PCNT: variants seen among roughly 807,000 people sequenced by gnomAD.
The protein encoded by PCNT is pericentrin.
Under a neutral mutation model 380.4 loss-of-function variants are expected in PCNT, and 319 were observed. That is an observed-to-expected ratio of 0.84 (90% CI 0.77 to 0.92). The LOEUF is 0.92. Among genes scored for constraint, PCNT ranks in the 40% least tolerant of loss-of-function variants. The pLI is 0.00. For missense variants in PCNT, 4,400 were observed against 4,255.3 expected, an observed-to-expected ratio of 1.03 and a Z score of -0.95; for synonymous variants, 1,845 against 1,735.2, an observed-to-expected ratio of 1.06 and a Z score of -1.57.
At position 46,390,682 on chromosome 21, in the gene PCNT, C is replaced by T. The variant is rs150564059; in HGVS notation, c.3853C>T (p.Arg1285Cys). The change falls in exon 20 of 47, where the codon CGC (arginine) becomes TGC (cysteine). Residue 1285 changes from arginine to cysteine, a missense_variant. Coordinates refer to ENST00000359568, the MANE Select transcript of PCNT (RefSeq NM_006031.6). ...TGTGTTTTAACAGCTGGAAGAAGCA[C>T]GCCAAATTCATTCTCGTTTTGAAAA... ...LDSSRQLEEA[R>C]QIHSRFEKEF... is the part of the protein sequence containing the mutation. The T allele has an allele frequency of 3.0e-4, 482 of 1,614,078 alleles. No homozygotes were observed. Among genetic ancestry groups the T allele is most frequent in the Non-Finnish European group, 3.6e-4 (429 of 1,179,988 alleles).
Position 46,445,612 on chromosome 21 carries a change from CA to C in PCNT, c.*286del. On this transcript the variant is annotated 3_prime_UTR_variant, in exon 47 of 47. Coordinates refer to ENST00000359568, the MANE Select transcript of PCNT (RefSeq NM_006031.6). ...CTGTGTGCTGTTGTGTGCCTATCGG[CA>C]GATCCATCCTTCCTGCCTCCAAGGA... is the stretch of plus-strand genomic sequence containing the variant. The C allele has an allele frequency of 2.2e-6, 1 of 457,810 alleles. No individual in the cohort carries two copies. The highest frequency in any genetic ancestry group is 3.9e-6 in the Non-Finnish European group (1 of 257,030). 28.4% of individuals were successfully genotyped at this position (457,810 alleles called of 1,614,324 possible). A position where few individuals can be genotyped will look rare whatever the true frequency, so the allele number is the denominator to read the frequency against.
At position 46,324,215 on chromosome 21, in the gene PCNT, G is replaced by T; in HGVS notation, c.-14G>T. 6.2e-7 allele frequency: 1 copy of T among 1,609,126 alleles called. No homozygotes were observed. Among genetic ancestry groups the T allele is most frequent in the Non-Finnish European group, 8.5e-7 (1 of 1,177,674 alleles). Reference sequence around the variant, plus strand: ...CCCGTCACCGCCGGGCGGCCCGCGCGGAGTCTGAGGGAGATGGAAGTTGAG... The same window carrying T: ...CCCGTCACCGCCGGGCGGCCCGCGCTGAGTCTGAGGGAGATGGAAGTTGAG... On this transcript the variant is annotated 5_prime_UTR_variant, in exon 1 of 47. Coordinates refer to ENST00000359568, the MANE Select transcript of PCNT (RefSeq NM_006031.6).
intron 31 of PCNT, among the ~76,000 whole-genome samples, chr21:46,418,725 A>C (rs1602039898): frequency 6.6e-6 from 1 of 152,074 alleles, no homozygotes; most frequent in Non-Finnish European, 1.5e-5. Flanking sequence ...TTGCCTGCCC[A>C]CCCTGCCTTT....
At chr21:46,444,613 TCA>T in intron 45 of PCNT, 79 bp from the exon 46 acceptor site, 1 of 1,512,886 alleles carries the variant, frequency 6.6e-7, no homozygotes, top group Non-Finnish European at 9.0e-7. Context: ...TCTTCTGCAC[TCA>T]GTCACCATGG....
At position 46,385,157 on chromosome 21, in the gene PCNT, C is replaced by G. The variant is rs946166739; in HGVS notation, c.3313-675C>G. Among the ~76,000 whole-genome samples, 3 of 152,272 alleles carry G rather than the reference C, an allele frequency of 2.0e-5. No individual in the cohort carries two copies. The East Asian group carries it at 5.8e-4, about 29-fold the overall frequency. ...ACCACTCCAGCCCAGGAATTCGATA[C>G]CAGCCTGGGCAACATAGGGAGACCC... is the stretch of plus-strand genomic sequence containing the variant. On this transcript the variant is annotated intron_variant, in intron 16 of 46. Coordinates refer to ENST00000359568, the MANE Select transcript of PCNT (RefSeq NM_006031.6).
At chr21:46,400,946 G>T (rs1359377620) in intron 25 of PCNT, among the ~76,000 whole-genome samples, 9 of 152,210 alleles carry the variant, frequency 5.9e-5, no homozygotes, top group South Asian at 2.1e-4. Context: ...TTGGAGCGGA[G>T]TTGTCCCCCT....
In PCNT at chr21:46,411,688, A is replaced by G; in HGVS notation, c.5615A>G (p.Glu1872Gly). ...AAAGCAAAGGAAGCGACGATTGCCGAGAGAAATTTAGAAATCGACGCTCTG... is the reference window on the plus strand; with the variant it reads ...AAAGCAAAGGAAGCGACGATTGCCGGGAGAAATTTAGAAATCGACGCTCTG... ...ALKAKEATIAERNLEIDALNQ... is the reference protein window; with the variant it reads ...ALKAKEATIAGRNLEIDALNQ... The change falls in exon 28 of 47, where the codon GAG becomes GGG. Residue 1872 changes from glutamate to glycine, a missense_variant. Coordinates refer to ENST00000359568, the MANE Select transcript of PCNT (RefSeq NM_006031.6). The G allele has an allele frequency of 6.2e-7, 1 of 1,612,894 alleles. No homozygotes were observed. Among genetic ancestry groups the G allele is most frequent in the South Asian group, 1.1e-5 (1 of 91,088 alleles).
intron 3 of PCNT, among the ~76,000 whole-genome samples, 158 bp from the exon 4 acceptor site, chr21:46,345,970 G>A (rs537662318): frequency 3.9e-5 from 6 of 152,336 alleles, no homozygotes; most frequent in African/African-American, 1.4e-4. Flanking sequence ...CCCTCAGGAG[G>A]CATTTGGGTT....
At chr21:46,400,403 G>A (rs919671988) in intron 25 of PCNT, among the ~76,000 whole-genome samples, 1 of 152,028 alleles carries the variant, frequency 6.6e-6, no homozygotes, top group African/African-American at 2.4e-5. Context: ...ACTTCTATGA[G>A]GTTAAAAGGT....
intron 3 of PCNT, among the ~76,000 whole-genome samples, chr21:46,345,023 A>G (rs187946185): frequency 3.7e-4 from 56 of 152,314 alleles, no homozygotes; most frequent in Admixed American, 9.8e-4. Context: ...GTGGCCATAC[A>G]AGGATCTTTA....
In PCNT at chr21:46,432,224, C is replaced by T. The variant is rs778311816; in HGVS notation, c.8751+9C>T. 4.1e-5 allele frequency: 66 copies of T among 1,600,860 alleles called. No individual in the cohort carries two copies. In the Admixed American group the frequency reaches 6.6e-4, roughly 16 times the overall value. On this transcript the variant is annotated intron_variant, in intron 38 of 46. Coordinates refer to ENST00000359568, the MANE Select transcript of PCNT (RefSeq NM_006031.6). The stretch of plus-strand genomic sequence containing the variant: ...GAGACAAGGAGAAGCTGGTGAGAGC[C>T]GCCTGCCGGCGGAGCGTCCACACCT...
Position 46,353,743 on chromosome 21 carries a change from TGTGTGTGTGA to T in PCNT, c.1680-242_1680-233del, listed in dbSNP as rs372289946. 0.064 allele frequency among the ~76,000 whole-genome samples: 9,224 copies of T among 143,204 alleles called. 354 individuals are homozygous for T. Among genetic ancestry groups the T allele is most frequent in the Non-Finnish European group, 0.089 (5,799 of 64,828 alleles). The allele number at this position is 143,204 out of a possible 152,430, so 93.9% of individuals were successfully genotyped here. A position where few individuals can be genotyped will look rare whatever the true frequency, so the allele number is the denominator to read the frequency against. ...GTGTGTGTGTGTGTGTGTGTGTGTG[TGTGTGTGTGA>T]GAGAGACAGAGAGAGAGTCAGTGGC... On this transcript the variant is annotated intron_variant, in intron 10 of 46. Transcript: ENST00000359568.
intron 9 of PCNT, among the ~76,000 whole-genome samples, chr21:46,352,716 G>C (rs1397815700): frequency 1.3e-5 from 2 of 152,212 alleles, no homozygotes; most frequent in Admixed American, 6.5e-5. Context: ...TTTCTGTCCA[G>C]GGTCCCCCAT....
At chr21:46,422,565 T>C (rs371569875) in intron 32 of PCNT, among the ~76,000 whole-genome samples, 25 of 152,356 alleles carry the variant, frequency 1.6e-4, no homozygotes, top group South Asian at 8.3e-4. Flanking sequence ...AGGCAGAATT[T>C]TGTGGAACTT....
At position 46,324,228 on chromosome 21, in the gene PCNT, G is replaced by T; in HGVS notation, c.-1G>T. The T allele has an allele frequency of 6.2e-7, 1 of 1,611,390 alleles. No homozygotes were observed. Among genetic ancestry groups the T allele is most frequent in the Non-Finnish European group, 8.5e-7 (1 of 1,178,802 alleles). ...GGCGGCCCGCGCGGAGTCTGAGGGA[G>T]ATGGAAGTTGAGCAAGAGCAGCGGC... On this transcript the variant is annotated 5_prime_UTR_variant, in exon 1 of 47. Transcript: ENST00000359568.
chr21:46,426,830 C>T lies in PCNT; in HGVS notation c.7321-792C>T, dbSNP rs969070305. ...ACGCTCCCTCCCATCTCCGTGCCCA[C>T]CCTGTCCTGCCCCTGTGCCTGCCTC... On this transcript the variant is annotated intron_variant, in intron 33 of 46. Transcript: ENST00000359568. Among the ~76,000 whole-genome samples, 9 of 152,318 alleles carry T rather than the reference C, an allele frequency of 5.9e-5. No homozygotes were observed. The East Asian group carries it at 9.7e-4, about 16-fold the overall frequency.
At chr21:46,362,274 CT>C (rs1234366799) in intron 13 of PCNT, among the ~76,000 whole-genome samples, 1 of 152,200 alleles carries the variant, frequency 6.6e-6, no homozygotes, top group African/African-American at 2.4e-5. Flanking sequence ...TCCAGTTCCT[CT>C]GGCTCAGTGA....
rs915637854 is a variant in PCNT, at chr21:46,385,853, T to G, written c.3334T>G (p.Leu1112Val). 6.2e-7 allele frequency: 1 copy of G among 1,614,142 alleles called. No homozygotes were observed. The highest frequency in any genetic ancestry group is 1.3e-5 in the African/African-American group (1 of 74,958). Residue 1112 changes from leucine to valine, a missense_variant, in exon 17 of 47, where the codon TTA (leucine) becomes GTA (valine). Physicochemically the swap from Leu to Val is conservative, Grantham distance 32. Transcript: ENST00000359568. Reference protein sequence around the residue: ...VQQLKDQVLSLSHEIEECRSE... With the variant: ...VQQLKDQVLSVSHEIEECRSE... Reference sequence around the variant, plus strand: ...ATAGCTGAAAGACCAGGTTTTATCCTTAAGTCACGAGATAGAAGAGTGCCG... The same window carrying G: ...ATAGCTGAAAGACCAGGTTTTATCCGTAAGTCACGAGATAGAAGAGTGCCG...
chr21:46,354,391 C>T (rs146656283), intron 11 of PCNT, among the ~76,000 whole-genome samples: 1 of 152,216 alleles, frequency 6.6e-6, no homozygotes, highest in East Asian at 1.9e-4. Context: ...GAAATTGTGT[C>T]TTTGCTTTGA....
Sources: allele counts gnomAD v4.1 joint callset (sites outside exome capture counted in the v4.1 genomes callset), GRCh38; gene constraint gnomAD v4.1.1; transcripts MANE v1.5; gene names NCBI Gene and HGNC (gene_info 2026-07-23, HGNC 2026-07-21).